Variants in SPG11 observed in about 807,000 individuals in gnomAD.
SPG11 encodes SPG11 vesicle trafficking associated, spatacsin.
In SPG11, 222 loss-of-function variants were observed where a neutral mutation model predicts 274.0. That is an observed-to-expected ratio of 0.81 (90% confidence interval 0.73 to 0.91). SPG11 has a LOEUF of 0.91. Ranked by LOEUF, SPG11 falls within the 40% of genes least tolerant of loss-of-function variation. The pLI is 0.00. For synonymous variants in SPG11, 1,144 were observed against 1,039.7 expected (o/e 1.10, Z -1.93); for missense variants, 3,114 against 2,872.7 (o/e 1.08, Z -1.92).
Position 44,598,656 on chromosome 15 carries a change from C to T in SPG11, c.3867G>A (p.Gln1289=), listed in dbSNP as rs940673994. 8 of 1,614,100 alleles carry T rather than the reference C, an allele frequency of 5.0e-6. No individual in the cohort carries two copies. In the African/African-American group the frequency reaches 1.1e-4, roughly 22 times the overall value. The change falls in exon 22 of 40, where the codon CAG becomes CAA. Residue 1289 remains glutamine, a synonymous_variant. Transcript: ENST00000261866. Reference sequence around the variant, plus strand: ...CTACAGACTCTCTGATAAAGCTGTACTGAGCATCTTCATTTCTGCACTTGT... The same window carrying T: ...CTACAGACTCTCTGATAAAGCTGTATTGAGCATCTTCATTTCTGCACTTGT... ...LSYKCRNEDA[Q]YSFIRESVAE... is the part of the protein sequence containing the mutation.
intron 17 of SPG11, 90 bp from the exon 18 acceptor site, chr15:44,611,075 T>G: frequency 1.0e-6 from 1 of 985,454 alleles, no homozygotes; most frequent in South Asian, 1.5e-5. Context: ...ACATAAATTT[T>G]TAACTCTATC....
In SPG11 at chr15:44,562,830, A is replaced by G; in HGVS notation, c.*291T>C. The G allele has an allele frequency of 3.1e-6, 1 of 325,674 alleles. No homozygotes were observed. The highest frequency in any genetic ancestry group is 4.5e-5 in the South Asian group (1 of 22,050). 20.2% of individuals were successfully genotyped at this position (325,674 alleles called of 1,614,324 possible). ...CTGCAGGTACAGGTATTCTTTAATC[A>G]TTATTGGATCATCTAAAGTAGAAGC... On this transcript the variant is annotated 3_prime_UTR_variant, in exon 40 of 40. Coordinates refer to ENST00000261866, the MANE Select transcript of SPG11 (RefSeq NM_025137.4).
intron 7 of SPG11, among the ~76,000 whole-genome samples, 199 bp downstream of exon 7, chr15:44,648,667 T>C (rs1225368765): frequency 1.3e-5 from 2 of 152,194 alleles, no homozygotes; most frequent in African/African-American, 2.4e-5. Flanking sequence ...TACTATAATC[T>C]TATATCTTTT....
chr15:44,600,775 G>T, intron 20 of SPG11, 143 bp from the exon 21 acceptor site: 1 of 874,776 alleles, frequency 1.1e-6, no homozygotes, highest in Non-Finnish European at 1.8e-6. Context: ...ACCAAAATCT[G>T]ATTTATTTTA....
intron 9 of SPG11, 129 bp downstream of exon 9, chr15:44,629,104 C>A (rs1009219604): frequency 1.8e-6 from 2 of 1,113,244 alleles, no homozygotes; most frequent in African/African-American, 1.5e-5. Flanking sequence ...TACTCAACTA[C>A]ACACTGACCT....
At chr15:44,622,947 C>A (rs990189162) in intron 11 of SPG11, 148 bp from the exon 12 acceptor site, 3 of 727,854 alleles carry the variant, frequency 4.1e-6, no homozygotes. Context: ...ACACTCATTT[C>A]CCTACTTTCT....
At chr15:44,612,539 C>T (rs965004204) in intron 17 of SPG11, among the ~76,000 whole-genome samples, 1 of 152,118 alleles carries the variant, frequency 6.6e-6, no homozygotes, top group African/African-American at 2.4e-5. Context: ...GCTGGGACTA[C>T]AGGAGCATGC....
At chr15:44,624,408 AT>A (rs1409814778) in intron 11 of SPG11, among the ~76,000 whole-genome samples, 2 of 152,142 alleles carry the variant, frequency 1.3e-5, no homozygotes, top group Non-Finnish European at 2.9e-5. Context: ...ATTATGCTAA[AT>A]GAAATAAGCC....
intron 7 of SPG11, among the ~76,000 whole-genome samples, chr15:44,638,237 G>A (rs1163899464): frequency 6.6e-6 from 1 of 152,172 alleles, no homozygotes; most frequent in Non-Finnish European, 1.5e-5. Context: ...CGAGGCGGGT[G>A]GGTCACTTGA....
intron 6 of SPG11, 100 bp downstream of exon 6, chr15:44,651,391 A>G (rs117885736): frequency 9.9e-7 from 1 of 1,005,858 alleles, no homozygotes; most frequent in Non-Finnish European, 1.5e-6. Flanking sequence ...CAATTACAAT[A>G]CCACTTAAAG....
intron 28 of SPG11, among the ~76,000 whole-genome samples, chr15:44,586,819 T>A (rs938499234): frequency 8.5e-5 from 13 of 152,218 alleles, no homozygotes; most frequent in African/African-American, 3.1e-4. Context: ...ATCAAATTTG[T>A]CTGATTTAGT....
At position 44,600,479 on chromosome 15, in the gene SPG11, G is replaced by T; in HGVS notation, c.3674C>A (p.Thr1225Asn). The change falls in exon 21 of 40, where the codon ACT becomes AAT. Residue 1225 changes from threonine to asparagine, a missense_variant. Physicochemically the swap from Thr to Asn is moderately conservative, Grantham distance 65. Transcript: ENST00000261866. ...TTTAAATACTCACAGCTGCTTGGGA[G>T]TCTTGCTCTTGATTAATTCCTGGAC... ...FLVQELIKSKTPKQLIQQVGN... is the reference protein window; with the variant it reads ...FLVQELIKSKNPKQLIQQVGN... The T allele has an allele frequency of 6.2e-7, 1 of 1,614,028 alleles. No individual in the cohort carries two copies. The highest frequency in any genetic ancestry group is 8.5e-7 in the Non-Finnish European group (1 of 1,179,970).
At position 44,591,023 on chromosome 15, in the gene SPG11, T is replaced by G. The variant is rs150687742; in HGVS notation, c.4743+1308A>C. On this transcript the variant is annotated intron_variant, in intron 27 of 39. Coordinates refer to ENST00000261866, the MANE Select transcript of SPG11 (RefSeq NM_025137.4). ...AAAATCATGTGTCACATTACTGCTA[T>G]CTTCTTACCTCTATTTGGAATGAAT... is the stretch of plus-strand genomic sequence containing the variant. 2.0e-5 allele frequency: 3 copies of G among 152,354 alleles called. No homozygotes were observed. The East Asian group carries it at 5.8e-4, about 29-fold the overall frequency. 9.4% of individuals were successfully genotyped at this position (152,354 alleles called of 1,614,324 possible). A position where few individuals can be genotyped will look rare whatever the true frequency, so the allele number is the denominator to read the frequency against.
At position 44,651,779 on chromosome 15, in the gene SPG11, C is replaced by T. The variant is rs747798305; in HGVS notation, c.1168G>A (p.Asp390Asn). 4.2e-5 allele frequency: 68 copies of T among 1,614,042 alleles called. No homozygotes were observed. In the Middle Eastern group the frequency reaches 9.9e-4, roughly 23 times the overall value. The change falls in exon 6 of 40, where the codon GAC becomes AAC. Residue 390 changes from aspartate to asparagine, a missense_variant. Asp to Asn is a conservative substitution (Grantham distance 23). Coordinates refer to ENST00000261866, the MANE Select transcript of SPG11 (RefSeq NM_025137.4). ...ACATTATATTGCCCATGCATTATGT[C>T]CTGTGGAATGAAGGCCCAGCTCTGC... is the stretch of plus-strand genomic sequence containing the variant. ...SVQSWAFIPQ[D>N]IMHGQYNVLQ...
At chr15:44,590,814 T>C (rs559189225) in intron 27 of SPG11, 1 of 152,330 alleles carries the variant, frequency 6.6e-6, no homozygotes, top group East Asian at 1.9e-4. Flanking sequence ...CTGTGCCTAG[T>C]GCTGAGTTAG....
At chr15:44,616,334 T>C (rs1001208923) in intron 15 of SPG11, among the ~76,000 whole-genome samples, 1 of 151,612 alleles carries the variant, frequency 6.6e-6, no homozygotes, top group Non-Finnish European at 1.5e-5. Context: ...GCCATCTGAG[T>C]AGCTGGGACG....
chr15:44,564,473 A>G, intron 39 of SPG11, 74 bp downstream of exon 39: 1 of 1,500,016 alleles, frequency 6.7e-7, no homozygotes, highest in Non-Finnish European at 9.2e-7. Flanking sequence ...GTACTTAGCC[A>G]TAAAATTCTT....
intron 23 of SPG11, 36 bp from the exon 24 acceptor site, chr15:44,596,979 A>G (rs776643308): frequency 6.2e-7 from 1 of 1,606,454 alleles, no homozygotes; most frequent in Non-Finnish European, 8.5e-7. Flanking sequence ...TGGTCAAGAA[A>G]AAACAAAAAA....
chr15:44,646,122 A>G (rs1367223694), intron 7 of SPG11, among the ~76,000 whole-genome samples: 2 of 152,230 alleles, frequency 1.3e-5, no homozygotes, highest in Non-Finnish European at 2.9e-5. Context: ...CAGCAATCCC[A>G]TTATTGGGTA....
Sources: gnomAD v4.1 joint callset for allele counts (sites outside exome capture counted in the v4.1 genomes callset) on GRCh38, gnomAD v4.1.1 for gene constraint, MANE v1.5 for transcripts, NCBI Gene and HGNC (gene_info 2026-07-23, HGNC 2026-07-21) for gene names.